The following ANO5 variants were observed in gnomAD, a reference collection of about 807,000 sequenced individuals.
ANO5 encodes the protein anoctamin 5.
ANO5 carries 109 observed loss-of-function variants against 121.0 expected under a neutral mutation model. The ratio of observed to expected loss-of-function variants is 0.90; its 90% confidence interval spans 0.77 to 1.06. The LOEUF is 1.06. ANO5 is among the 50% of genes least tolerant of loss of function. The pLI is 0.00. For missense variants in ANO5, 1,064 were observed against 1,078.5 expected (o/e 0.99, Z 0.19); for synonymous variants, 406 against 359.9 (o/e 1.13, Z -1.45).
At chr11:22,253,587 C>T (rs1316463904) in intron 12 of ANO5, among the ~76,000 whole-genome samples, 3 of 152,104 alleles carry the variant, frequency 2.0e-5, no homozygotes, top group Non-Finnish European at 2.9e-5. Context: ...TGAAACTGTT[C>T]TCCCTGCTAA....
At chr11:22,244,712 T>C (rs1296287290) in intron 9 of ANO5, among the ~76,000 whole-genome samples, 1 of 152,096 alleles carries the variant, frequency 6.6e-6, no homozygotes, top group Non-Finnish European at 1.5e-5. Context: ...CTTGTAGTGA[T>C]TGCTTCCATT....
At chr11:22,211,087 T>A (rs928252758) in intron 2 of ANO5, among the ~76,000 whole-genome samples, 177 bp from the exon 3 acceptor site, 3 of 151,968 alleles carry the variant, frequency 2.0e-5, no homozygotes, top group Non-Finnish European at 4.4e-5. Context: ...CACACATACA[T>A]GAACACACAT....
At chr11:22,272,748 CAAT>C (rs1854668692) in intron 18 of ANO5, 33 bp from the exon 19 acceptor site, 5 of 1,586,780 alleles carry the variant, frequency 3.2e-6, no homozygotes, top group Non-Finnish European at 2.6e-6. Flanking sequence ...TTCTCCTTCA[CAAT>C]AATGAGTTCA....
At chr11:22,205,656 A>G (rs143502664) in intron 2 of ANO5, among the ~76,000 whole-genome samples, 1 of 152,290 alleles carries the variant, frequency 6.6e-6, no homozygotes, top group East Asian at 1.9e-4. Flanking sequence ...ACCAGAAAGT[A>G]TTAGAAAAAA....
At chr11:22,269,517 GAAAAGGAAGGAAAGAAA>G (rs1179014179) in intron 17 of ANO5, among the ~76,000 whole-genome samples, 1 of 108,296 alleles carries the variant, frequency 9.2e-6, no homozygotes, top group Non-Finnish European at 1.8e-5. Flanking sequence ...AAGAAAAAAA[GAAAAGGAAGGAAAGAAA>G]AAAAGAAAAG....
At chr11:22,277,934 G>A (rs1021594790) in intron 21 of ANO5, 6 of 150,356 alleles carry the variant, frequency 4.0e-5, no homozygotes, top group Non-Finnish European at 7.4e-5. Context: ...GAAAAATTAT[G>A]GGCAGTCCAT....
At chr11:22,269,541 AAAGG>A (rs1364550687) in intron 17 of ANO5, among the ~76,000 whole-genome samples, 13 of 107,736 alleles carry the variant, frequency 1.2e-4, no homozygotes, top group East Asian at 4.9e-4. Flanking sequence ...GAAAAAAAGA[AAAGG>A]AAGGAAAGAA....
chr11:22,260,569 AG>A (rs1854158473), intron 15 of ANO5, among the ~76,000 whole-genome samples: 1 of 152,224 alleles, frequency 6.6e-6, no homozygotes, highest in African/African-American at 2.4e-5. Context: ...TGCTATCAAC[AG>A]TGAGAAAATC....
intron 3 of ANO5, among the ~76,000 whole-genome samples, chr11:22,214,193 A>T (rs191232385): frequency 5.5e-4 from 83 of 152,070 alleles, no homozygotes; most frequent in African/African-American, 2.0e-3. Context: ...GACATAAGCC[A>T]CATCACTTGG....
chr11:22,267,822 T>C (rs918712355), intron 17 of ANO5, among the ~76,000 whole-genome samples: 3 of 152,114 alleles, frequency 2.0e-5, no homozygotes, highest in South Asian at 2.1e-4. Context: ...ATGTGTCTGT[T>C]TGTTTTCATC....
intron 20 of ANO5, 62 bp from the exon 21 acceptor site, chr11:22,276,030 GTC>G (rs1854827294): frequency 9.2e-7 from 1 of 1,084,182 alleles, no homozygotes; most frequent in Admixed American, 1.8e-5. Flanking sequence ...ATTATGTGAG[GTC>G]TCTCTAGTTG....
chr11:22,238,763 TTAAG>T (rs1383570456), intron 8 of ANO5, among the ~76,000 whole-genome samples: 1 of 152,144 alleles, frequency 6.6e-6, no homozygotes, highest in Non-Finnish European at 1.5e-5. Context: ...TTATTATACT[TTAAG>T]TTTTAGGGTA....
At chr11:22,242,021 G>A (rs1454537295) in intron 9 of ANO5, among the ~76,000 whole-genome samples, 1 of 152,046 alleles carries the variant, frequency 6.6e-6, no homozygotes, top group Non-Finnish European at 1.5e-5. Context: ...ATAGTTTGAG[G>A]TCTTACATTT....
rs1287723428 is a variant in ANO5, at chr11:22,255,527, A to G, written c.1332+5A>G. ...AAATTGAATGCAGTGACTAAGGTAG[A>G]CTAGAAAACTGTGAAACGGACAGCA... On this transcript the variant is annotated splice_donor_5th_base_variant and intron_variant, in intron 13 of 21. Transcript: ENST00000324559. 9 of 1,612,810 alleles carry G rather than the reference A, an allele frequency of 5.6e-6. No homozygotes were observed. In the East Asian group the frequency reaches 1.8e-4, roughly 32 times the overall value.
chr11:22,254,060 G>A (rs1022504439), intron 12 of ANO5, among the ~76,000 whole-genome samples: 22 of 152,020 alleles, frequency 1.4e-4, no homozygotes, highest in African/African-American at 5.3e-4. Flanking sequence ...TTTAATAAAT[G>A]TTTAAATATT....
Position 22,229,681 on chromosome 11 carries a change from C to T in ANO5, c.648+2095C>T, listed in dbSNP as rs75178477. Among the ~76,000 whole-genome samples, 889 of 152,002 alleles carry T rather than the reference C, an allele frequency of 5.8e-3. 26 individuals carry two copies. The highest frequency in any genetic ancestry group is 0.016 in the East Asian group (83 of 5,168). ...ATTGTTCATAAAAAGCCAGTGAACT[C>T]GTAGGAACAAATTAGGAACTTGATC... On this transcript the variant is annotated intron_variant, in intron 7 of 21. Coordinates refer to ENST00000324559, the MANE Select transcript of ANO5 (RefSeq NM_213599.3).
At chr11:22,257,072 G>A (rs1564940156) in intron 13 of ANO5, among the ~76,000 whole-genome samples, 1 of 151,038 alleles carries the variant, frequency 6.6e-6, no homozygotes, top group East Asian at 2.0e-4. Context: ...TGCTGACAGC[G>A]TTTTTTTTTT....
intron 1 of ANO5, among the ~76,000 whole-genome samples, chr11:22,201,042 C>A (rs1008777027): frequency 1.3e-5 from 2 of 152,144 alleles, no homozygotes; most frequent in Non-Finnish European, 2.9e-5. Context: ...CTATGCACAT[C>A]CTTGTGCATG....
chr11:22,276,341 A>T, intron 21 of ANO5, 142 bp downstream of exon 21: 1 of 713,394 alleles, frequency 1.4e-6, no homozygotes, highest in Non-Finnish European at 2.5e-6. Flanking sequence ...CATAAAAAGC[A>T]CCTTAGGGAT....
Sources: allele counts gnomAD v4.1 joint callset (sites outside exome capture counted in the v4.1 genomes callset), GRCh38; gene constraint gnomAD v4.1.1; transcripts MANE v1.5; gene names NCBI Gene and HGNC (gene_info 2026-07-23, HGNC 2026-07-21).